NLRC3: variants seen among roughly 807,000 people sequenced by gnomAD.
NLRC3 encodes NLR family CARD domain containing 3, also known as NLR family CARD domain-containing protein 3.
NLRC3 carries 87 observed loss-of-function variants against 91.6 expected under a neutral mutation model. The observed-to-expected ratio is 0.95, with a 90% CI of 0.80 to 1.14. NLRC3 has a LOEUF of 1.14. NLRC3 is among the 50% of genes most tolerant of loss of function. The probability of loss-of-function intolerance (pLI) is 0.00; values close to 1 mark genes in which losing one functional copy is unlikely to be tolerated. For synonymous variants in NLRC3, 694 were observed against 625.3 expected, an observed-to-expected ratio of 1.11 and a Z score of -1.64; for missense variants, 1,577 against 1,418.6, an observed-to-expected ratio of 1.11 and a Z score of -1.79.
chr16:3,552,341 A>G, intron 9 of NLRC3, 62 bp from the exon 10 acceptor site: 1 of 1,237,550 alleles, frequency 8.1e-7, no homozygotes. Flanking sequence ...CAGGCCAAGG[A>G]CGGTTCAGGT....
At chr16:3,565,242 G>A in intron 3 of NLRC3, 77 bp downstream of exon 3, 1 of 697,118 alleles carries the variant, frequency 1.4e-6, no homozygotes, top group Non-Finnish European at 2.6e-6. Flanking sequence ...CTGGGTGGTA[G>A]CAATGATCAC....
intron 15 of NLRC3, 133 bp downstream of exon 15, chr16:3,548,002 C>T (rs373353752): frequency 3.0e-5 from 19 of 641,604 alleles, no homozygotes; most frequent in East Asian, 2.8e-5. Context: ...AGGACTGAAA[C>T]ATGCCAGCTG....
At chr16:3,544,519 G>A (rs76716889) in intron 15 of NLRC3, 190 bp from the exon 16 acceptor site, 21,037 of 582,972 alleles carry the variant, frequency 0.036, 912 homozygotes, top group South Asian at 0.12. Flanking sequence ...ACACAGAGGC[G>A]TCTGGGGCCT....
intron 15 of NLRC3, chr16:3,545,349 A>G (rs893273897): frequency 6.6e-6 from 1 of 151,808 alleles, no homozygotes; most frequent in Non-Finnish European, 1.5e-5. Flanking sequence ...GTCTCTACTA[A>G]ATTAGCTGGG....
intron 17 of NLRC3, chr16:3,542,980 G>A: frequency 1.8e-6 from 1 of 571,096 alleles, no homozygotes; most frequent in Non-Finnish European, 3.1e-6. Context: ...GGCTGGCCTA[G>A]CCAGGAGGGT....
intron 15 of NLRC3, among the ~76,000 whole-genome samples, chr16:3,546,727 G>C (rs751995489): frequency 1.1e-4 from 17 of 152,302 alleles, no homozygotes; most frequent in Non-Finnish European, 2.1e-4. Context: ...AGGTACAGAG[G>C]GGGTGTGGAC....
intron 5 of NLRC3, among the ~76,000 whole-genome samples, chr16:3,562,311 G>C (rs1283900859): frequency 6.6e-6 from 1 of 152,170 alleles, no homozygotes; most frequent in Non-Finnish European, 1.5e-5. Flanking sequence ...GAAGTGGGGT[G>C]AGCCTGTAAT....
At chr16:3,552,679 T>C (rs2151089490) in intron 9 of NLRC3, among the ~76,000 whole-genome samples, 1 of 152,176 alleles carries the variant, frequency 6.6e-6, no homozygotes, top group East Asian at 1.9e-4. Flanking sequence ...CGGTGGCTCA[T>C]GCCTGTGATC....
chr16:3,562,206 A>G (rs1172492966), intron 5 of NLRC3, among the ~76,000 whole-genome samples: 1 of 152,186 alleles, frequency 6.6e-6, no homozygotes. Context: ...GTCCCCACAA[A>G]AGATATGAAG....
rs2038479563 is a variant in NLRC3 at position 3,542,860 on chromosome 16, T to C, written c.2940-85A>G. ...CTCTGCGGGTGGGCTTGGGGCTGCT[T>C]GGTAGAGGAAACAAGGACTTCAGCA... is the stretch of plus-strand genomic sequence containing the variant. On this transcript the variant is annotated intron_variant, in intron 17 of 19. Coordinates refer to ENST00000359128, the MANE Select transcript of NLRC3 (RefSeq NM_178844.4). 3 of 870,270 alleles carry C rather than the reference T, an allele frequency of 3.4e-6. No individual in the cohort carries two copies. In the Admixed American group the frequency reaches 6.5e-5, roughly 19 times the overall value. 53.9% of individuals were successfully genotyped at this position (870,270 alleles called of 1,614,324 possible).
Position 3,564,987 on chromosome 16 carries a change from C to G in NLRC3, c.50G>C (p.Gly17Ala). ...CACCTGCTCGGCTGGGGAGCCCGTACCGTGGCCCTGGCCGGCCTCCCTGCC... is the reference window on the plus strand; with the variant it reads ...CACCTGCTCGGCTGGGGAGCCCGTAGCGTGGCCCTGGCCGGCCTCCCTGCC... ...RTGREAGQGH[G>A]TGSPAEQVKA... Residue 17 changes from glycine to alanine, a missense_variant, in exon 4 of 20, where the codon GGT (glycine) becomes GCT (alanine). Gly to Ala is a moderately conservative substitution (Grantham distance 60). Coordinates refer to ENST00000359128, the MANE Select transcript of NLRC3 (RefSeq NM_178844.4). The surrounding 1 kb of genome is among the most constrained non-coding windows in gnomAD (Gnocchi z 5.9). The G allele has an allele frequency of 6.2e-7, 1 of 1,610,624 alleles. No homozygotes were observed. Among genetic ancestry groups the G allele is most frequent in the Non-Finnish European group, 8.5e-7 (1 of 1,179,736 alleles).
In NLRC3 at chr16:3,574,178, A is replaced by G. The variant is rs548070425; in HGVS notation, c.-169+2971T>C. ...ACTGGGATTATAGGCACCCACCATC[A>G]ATACCATTTGTATTTTTGTAGAGAC... is the stretch of plus-strand genomic sequence containing the variant. On this transcript the variant is annotated intron_variant, in intron 1 of 19. Transcript: ENST00000359128. Among the ~76,000 whole-genome samples, 4 of 151,504 alleles carry G rather than the reference A, an allele frequency of 2.6e-5. No homozygotes were observed. In the East Asian group the frequency reaches 5.8e-4, roughly 22 times the overall value.
At chr16:3,566,001 C>G (rs955456847) in intron 2 of NLRC3, among the ~76,000 whole-genome samples, 1 of 150,840 alleles carries the variant, frequency 6.6e-6, no homozygotes, top group Admixed American at 6.7e-5. Flanking sequence ...GATCACACCA[C>G]GGCACTCCAG....
At chr16:3,550,863 G>C (rs2038956402) in intron 10 of NLRC3, among the ~76,000 whole-genome samples, 1 of 152,154 alleles carries the variant, frequency 6.6e-6, no homozygotes, top group South Asian at 2.1e-4. Context: ...GGGAATCTGA[G>C]TCTCCATTCT....
intron 19 of NLRC3, 91 bp downstream of exon 19, chr16:3,542,100 T>G (rs1375751959): frequency 1.1e-5 from 11 of 968,338 alleles, no homozygotes; most frequent in Admixed American, 2.0e-5. Flanking sequence ...CTGAAGCGTC[T>G]GGGGGTCAGC....
Position 3,564,713 on chromosome 16 carries a change from C to G in NLRC3, c.224G>C (p.Gly75Ala). ...GGGTCCGCCCAGCTCCGGGCCACCTCCCACCTTGCTCAGCAGGGCCTTGCG... is the reference window on the plus strand; with the variant it reads ...GGGTCCGCCCAGCTCCGGGCCACCTGCCACCTTGCTCAGCAGGGCCTTGCG... ...RHRKALLSKV[G>A]GGPELGGPWH... The change falls in exon 5 of 20, where the codon GGA (glycine) becomes GCA (alanine). Residue 75 changes from glycine to alanine, a missense_variant. By Grantham distance (60) the Gly-to-Ala change is moderately conservative (BLOSUM62 0). Transcript: ENST00000359128. This position sits in a 1 kb window ranked among gnomAD's most constrained non-coding sequence, Gnocchi z 5.9. 1 of 1,596,364 alleles carries G rather than the reference C, an allele frequency of 6.3e-7. No homozygotes were observed. The highest frequency in any genetic ancestry group is 8.5e-7 in the Non-Finnish European group (1 of 1,176,956).
At chr16:3,562,966 CTCTG>C in intron 5 of NLRC3, 39 bp downstream of exon 5, 1 of 1,519,678 alleles carries the variant, frequency 6.6e-7, no homozygotes. Flanking sequence ...CTGCTCTCTC[CTCTG>C]CCCCTTCCCC....
intron 1 of NLRC3, among the ~76,000 whole-genome samples, chr16:3,569,395 T>TATATATATA (rs1491362144): frequency 4.2e-5 from 2 of 47,756 alleles, no homozygotes; most frequent in African/African-American, 1.5e-4. Context: ...TATATATATA[T>TATATATATA]TATTTTTTTT....
chr16:3,547,847 A>G (rs905082106), intron 15 of NLRC3, among the ~76,000 whole-genome samples: 32 of 151,778 alleles, frequency 2.1e-4, no homozygotes, highest in Non-Finnish European at 4.3e-4. Flanking sequence ...TTTTGTATTT[A>G]TAGTAGAGAT....
Sources: allele counts gnomAD v4.1 joint callset (sites outside exome capture counted in the v4.1 genomes callset), GRCh38; gene constraint gnomAD v4.1.1; non-coding constraint Gnocchi (gnomAD v3.1); transcripts MANE v1.5; gene names NCBI Gene and HGNC (gene_info 2026-07-23, HGNC 2026-07-21).